NDST3: variants seen among roughly 807,000 people sequenced by gnomAD.
NDST3 encodes N-deacetylase and N-sulfotransferase 3, also known as bifunctional heparan sulfate N-deacetylase/N-sulfotransferase 3.
Under a neutral mutation model 96.1 loss-of-function variants are expected in NDST3, and 58 were observed. That is an observed-to-expected ratio of 0.60 (90% CI 0.49 to 0.75). NDST3 has a LOEUF of 0.75. NDST3 is among the 30% of genes least tolerant of loss of function. The pLI is 0.00. For missense variants in NDST3, 788 were observed against 1,034.2 expected (o/e 0.76, Z 3.27); for synonymous variants, 333 against 359.7 (o/e 0.93, Z 0.84).
intron 2 of NDST3, among the ~76,000 whole-genome samples, chr4:118,079,845 G>T (rs528661928): frequency 6.6e-6 from 1 of 152,278 alleles, no homozygotes; most frequent in South Asian, 2.1e-4. Context: ...AAGTTAACGG[G>T]CTTGAGACAT....
At chr4:118,214,888 T>C (rs796493017) in intron 6 of NDST3, among the ~76,000 whole-genome samples, 25 of 152,212 alleles carry the variant, frequency 1.6e-4, no homozygotes, top group African/African-American at 5.8e-4. Context: ...ACCAGATCTG[T>C]CTGTAAAGAT....
At chr4:118,212,670 C>T (rs927853257) in intron 6 of NDST3, among the ~76,000 whole-genome samples, 11 of 152,040 alleles carry the variant, frequency 7.2e-5, no homozygotes, top group African/African-American at 2.4e-4. Flanking sequence ...TTAAAGTCTA[C>T]CTGATTTGGA....
chr4:118,083,981 T>C lies in NDST3; in HGVS notation c.982-21037T>C, dbSNP rs560060627. On this transcript the variant is annotated intron_variant, in intron 2 of 13. Coordinates refer to ENST00000296499, the MANE Select transcript of NDST3 (RefSeq NM_004784.3). ...TAGACTCCATTGCCAATGAGAACAA[T>C]AGGTTCACAGTGGAAAGAGAGATTA... 4.6e-5 allele frequency among the ~76,000 whole-genome samples: 7 copies of C among 152,260 alleles called. No individual in the cohort carries two copies. In the South Asian group the frequency reaches 8.3e-4, roughly 18 times the overall value.
intron 8 of NDST3, 139 bp from the exon 9 acceptor site, chr4:118,232,873 A>T: frequency 1.1e-6 from 1 of 884,286 alleles, no homozygotes; most frequent in Non-Finnish European, 1.7e-6. Context: ...ACTGCCGATT[A>T]TCTATTCAAT....
intron 1 of NDST3, among the ~76,000 whole-genome samples, chr4:118,044,236 T>G (rs781260828): frequency 1.3e-5 from 2 of 152,208 alleles, no homozygotes; most frequent in Non-Finnish European, 2.9e-5. Context: ...GATATGAGAT[T>G]TTGTATTCTG....
At chr4:118,039,955 T>C (rs1195464433) in intron 1 of NDST3, among the ~76,000 whole-genome samples, 4 of 152,188 alleles carry the variant, frequency 2.6e-5, no homozygotes, top group Non-Finnish European at 5.9e-5. Flanking sequence ...TAAGCAATCA[T>C]TGACAGGATC....
chr4:118,175,635 C>A (rs977474879), intron 6 of NDST3, among the ~76,000 whole-genome samples: 1 of 152,094 alleles, frequency 6.6e-6, no homozygotes, highest in African/African-American at 2.4e-5. Context: ...GGGAGGCACA[C>A]GCCATGGGCC....
At chr4:118,033,835 C>G (rs552012650), upstream of NDST3, 22 of 152,482 alleles carry the variant, frequency 1.4e-4, no homozygotes, top group African/African-American at 5.1e-4. Flanking sequence ...AAGCGCCACC[C>G]GGACGAGGGG....
At chr4:118,162,664 C>G (rs2125927355) in intron 6 of NDST3, among the ~76,000 whole-genome samples, 1 of 149,072 alleles carries the variant, frequency 6.7e-6, no homozygotes, top group Admixed American at 6.7e-5. Context: ...AAAACCTAGG[C>G]ATTACCATTC....
intron 2 of NDST3, among the ~76,000 whole-genome samples, chr4:118,086,572 T>G (rs1204221441): frequency 1.3e-5 from 2 of 152,164 alleles, no homozygotes; most frequent in Non-Finnish European, 2.9e-5. Flanking sequence ...GCCAACCATC[T>G]TGGCCTAAGG....
chr4:118,035,484 AG>A (rs981000634), intron 1 of NDST3, among the ~76,000 whole-genome samples: 4 of 149,710 alleles, frequency 2.7e-5, no homozygotes, highest in Non-Finnish European at 5.9e-5. Flanking sequence ...TCAACTACTG[AG>A]CAATGCTGTT....
chr4:118,152,821 A>G (rs1226193195), intron 6 of NDST3, among the ~76,000 whole-genome samples: 2 of 152,212 alleles, frequency 1.3e-5, no homozygotes, highest in Non-Finnish European at 2.9e-5. Context: ...GATATTCTCC[A>G]TATCAAGATT....
intron 6 of NDST3, among the ~76,000 whole-genome samples, chr4:118,176,556 G>GT (rs1736293704): frequency 6.6e-6 from 1 of 151,876 alleles, no homozygotes. Context: ...CTCTAGCTTT[G>GT]TACCCTTGTT....
intron 2 of NDST3, among the ~76,000 whole-genome samples, chr4:118,058,430 CAAA>C (rs35067389): frequency 1.7e-5 from 2 of 118,178 alleles, no homozygotes; most frequent in Non-Finnish European, 1.7e-5. Flanking sequence ...CACAAAAAGA[CAAA>C]AAAAAAAAAA....
intron 5 of NDST3, among the ~76,000 whole-genome samples, chr4:118,140,587 G>A (rs1298129027): frequency 6.6e-6 from 1 of 152,116 alleles, no homozygotes; most frequent in Admixed American, 6.6e-5. Context: ...AAATACCCAA[G>A]ACTGGGTAAT....
rs80153084 is a variant in NDST3, at chr4:118,125,179, T to C, written c.1224+10219T>C. Among the ~76,000 whole-genome samples the C allele has an allele frequency of 3.3e-5, 5 of 152,204 alleles. No homozygotes were observed. The East Asian group carries it at 9.7e-4, about 29-fold the overall frequency. On this transcript the variant is annotated intron_variant, in intron 4 of 13. Transcript: ENST00000296499. ...TAACCTTCATCCTGAGTCATCTTGT[T>C]AGCATAAACTCAAATATAATTTCAG...
intron 2 of NDST3, among the ~76,000 whole-genome samples, chr4:118,098,930 TGTGA>T (rs1729558201): frequency 6.6e-6 from 1 of 152,070 alleles, no homozygotes; most frequent in East Asian, 1.9e-4. Flanking sequence ...GATGTTTTCA[TGTGA>T]GTAACAGAAA....
chr4:118,062,218 A>T, intron 2 of NDST3, among the ~76,000 whole-genome samples: 1 of 152,162 alleles, frequency 6.6e-6, no homozygotes, highest in East Asian at 1.9e-4. Context: ...ACCTTCTCAG[A>T]TTTTATGCAT....
intron 2 of NDST3, among the ~76,000 whole-genome samples, chr4:118,103,938 T>C (rs1423841608): frequency 6.6e-6 from 1 of 152,164 alleles, no homozygotes; most frequent in Non-Finnish European, 1.5e-5. Flanking sequence ...GCTTTTAAAA[T>C]CAGGAAGAAT....
Sources: gnomAD v4.1 joint callset for allele counts (sites outside exome capture counted in the v4.1 genomes callset) on GRCh38, gnomAD v4.1.1 for gene constraint, MANE v1.5 for transcripts, NCBI Gene and HGNC (gene_info 2026-07-23, HGNC 2026-07-21) for gene names.